Variants in PRELID2 observed in about 807,000 individuals in gnomAD.
PRELID2 encodes PRELI domain containing 2, also known as PRELI domain-containing protein 2.
A neutral mutation model predicts 28.4 loss-of-function variants in PRELID2; 25 were observed. The observed-to-expected ratio is 0.88, with a 90% CI of 0.64 to 1.23. The LOEUF is 1.23. PRELID2 is among the 50% of genes most tolerant of loss of function. PRELID2 has a pLI of 0.00. For synonymous variants in PRELID2, 76 were observed against 71.6 expected (o/e 1.06, Z -0.31); for missense variants, 201 against 214.4 (o/e 0.94, Z 0.39).
At chr5:145,817,482 T>TA (rs1173491377) in intron 4 of PRELID2, among the ~76,000 whole-genome samples, 227 of 127,216 alleles carry the variant, frequency 1.8e-3, no homozygotes, top group African/African-American at 5.3e-3. Flanking sequence ...TTCCATTAAG[T>TA]AAAAAAAAAA....
intron 1 of PRELID2, among the ~76,000 whole-genome samples, chr5:145,600,434 A>ATATATATATATAT (rs1554078383): frequency 2.5e-5 from 3 of 120,096 alleles, no homozygotes; most frequent in African/African-American, 8.1e-5. Flanking sequence ...AAAAAAAAAA[A>ATATATATATATAT]ATATATATAT....
chr5:145,574,576 C>T (rs1442251924), intron 1 of PRELID2, among the ~76,000 whole-genome samples: 1 of 152,122 alleles, frequency 6.6e-6, no homozygotes, highest in Non-Finnish European at 1.5e-5. Context: ...GTTTTATAAG[C>T]TTATGTTTTG....
chr5:145,265,390 T>A, the PRELID2 span, among the ~76,000 whole-genome samples: 1 of 152,070 alleles, frequency 6.6e-6, no homozygotes, highest in South Asian at 2.1e-4. Context: ...ATGACCATAC[T>A]GCCAAAAACA....
chr5:145,371,455 G>T, the PRELID2 span, among the ~76,000 whole-genome samples: 1 of 151,994 alleles, frequency 6.6e-6, no homozygotes, highest in Non-Finnish European at 1.5e-5. Context: ...CATCCCAGGA[G>T]TGAAGCCAAT....
intron 5 of PRELID2, among the ~76,000 whole-genome samples, chr5:145,770,693 G>A (rs1758046710): frequency 6.6e-6 from 1 of 152,142 alleles, no homozygotes; most frequent in South Asian, 2.1e-4. Context: ...CTAGGCTAAT[G>A]TGTGAATGTA....
intron 1 of PRELID2, among the ~76,000 whole-genome samples, chr5:145,640,533 G>T (rs1000430309): frequency 7.0e-6 from 1 of 141,996 alleles, no homozygotes; most frequent in African/African-American, 2.6e-5. Context: ...GCTTCCGGCT[G>T]CTCCAGAGGC....
At position 145,757,816 on chromosome 5, in the gene PRELID2, G is replaced by T. The variant is rs1035283873; in HGVS notation, c.*2720C>A. Among the ~76,000 whole-genome samples the T allele has an allele frequency of 2.4e-4, 13 of 55,110 alleles. No homozygotes were observed. Among genetic ancestry groups the T allele is most frequent in the South Asian group, 6.0e-4 (1 of 1,660 alleles). 36.2% of individuals were successfully genotyped at this position (55,110 alleles called of 152,430 possible). A position where few individuals can be genotyped will look rare whatever the true frequency, so the allele number is the denominator to read the frequency against. On this transcript the variant is annotated 3_prime_UTR_variant, in exon 7 of 7. Transcript: ENST00000683046. The stretch of plus-strand genomic sequence containing the variant: ...GACCCTATCTCAAAAAAAAGTAAAT[G>T]AAAAAAAAAAAAAAAAAGACCATAA...
At chr5:145,631,099 C>T (rs972159695) in intron 1 of PRELID2, among the ~76,000 whole-genome samples, 3 of 152,160 alleles carry the variant, frequency 2.0e-5, no homozygotes, top group African/African-American at 7.2e-5. Flanking sequence ...TGAAGCTCCA[C>T]ACACAAATAT....
chr5:145,466,897 C>G (rs1326534132), downstream of PRELID2, among the ~76,000 whole-genome samples: 1 of 152,072 alleles, frequency 6.6e-6, no homozygotes, highest in Non-Finnish European at 1.5e-5. Flanking sequence ...TACCACCCAC[C>G]CTGAATTCAC....
At chr5:145,544,435 C>A (rs1447085712) in intron 1 of PRELID2, among the ~76,000 whole-genome samples, 1 of 152,094 alleles carries the variant, frequency 6.6e-6, no homozygotes, top group Non-Finnish European at 1.5e-5. Context: ...ACATACATAC[C>A]TAGCCACCAT....
At position 145,796,540 on chromosome 5, in the gene PRELID2, ACT is replaced by A. The variant is rs776162091; in HGVS notation, c.374_375del (p.Glu125ValfsTer36). On this transcript the variant is annotated frameshift_variant, in exon 5 of 7. Transcript: ENST00000683046. LOFTEE classifies it high-confidence loss of function. ...RESMENPNWT[E>X]FIQRGRISIT... Reference sequence around the variant, plus strand: ...ATTGAAATCCTGCCTCTTTGAATGAACTCTGTCCTGCAAAAAAAACAAAAAAC... The same window carrying A: ...ATTGAAATCCTGCCTCTTTGAATGAACTGTCCTGCAAAAAAAACAAAAAAC... The A allele has an allele frequency of 6.3e-7, 1 of 1,595,370 alleles. No individual in the cohort carries two copies. Among genetic ancestry groups the A allele is most frequent in the African/African-American group, 1.3e-5 (1 of 74,092 alleles).
At chr5:145,706,495 C>T (rs1755551275) in intron 1 of PRELID2, among the ~76,000 whole-genome samples, 1 of 152,156 alleles carries the variant, frequency 6.6e-6, no homozygotes, top group South Asian at 2.1e-4. Flanking sequence ...TAACCACGGC[C>T]TGAATATTTC....
chr5:145,499,681 T>C (rs1219869966), intron 1 of PRELID2, among the ~76,000 whole-genome samples: 2 of 152,102 alleles, frequency 1.3e-5, no homozygotes, highest in African/African-American at 4.8e-5. Context: ...ATAGAAGAAT[T>C]TGTGACAGAT....
At chr5:145,773,464 G>T (rs74340511) in intron 5 of PRELID2, among the ~76,000 whole-genome samples, 1 of 151,992 alleles carries the variant, frequency 6.6e-6, no homozygotes, top group African/African-American at 2.4e-5. Flanking sequence ...TTCCTCACTT[G>T]CACTTCATGC....
chr5:145,426,891 G>C, the PRELID2 span, among the ~76,000 whole-genome samples: 1 of 152,162 alleles, frequency 6.6e-6, no homozygotes, highest in Admixed American at 6.5e-5. Flanking sequence ...TAGTACCCTG[G>C]TTGAGATGGT....
At chr5:145,772,046 A>G (rs1205768267) in intron 5 of PRELID2, among the ~76,000 whole-genome samples, 1 of 152,210 alleles carries the variant, frequency 6.6e-6, no homozygotes, top group Non-Finnish European at 1.5e-5. Flanking sequence ...TTTTAATCTG[A>G]TGCTGTCTAA....
At chr5:145,400,714 G>A in the PRELID2 span, among the ~76,000 whole-genome samples, 2 of 151,902 alleles carry the variant, frequency 1.3e-5, no homozygotes, top group Non-Finnish European at 2.9e-5. Flanking sequence ...TGTTTCTTTG[G>A]ACCATCTGAT....
the PRELID2 span, among the ~76,000 whole-genome samples, chr5:145,361,710 C>G: frequency 6.6e-6 from 1 of 152,176 alleles, no homozygotes; most frequent in East Asian, 1.9e-4. Context: ...AAACATCCCA[C>G]AAGGCTCCTC....
chr5:145,661,666 T>TAA (rs567073073), intron 1 of PRELID2, among the ~76,000 whole-genome samples: 145 of 97,114 alleles, frequency 1.5e-3, no homozygotes, highest in East Asian at 3.0e-3. Flanking sequence ...AACAAGCCAT[T>TAA]AAAAAAAAAA....
Sources: allele counts gnomAD v4.1 joint callset (sites outside exome capture counted in the v4.1 genomes callset), GRCh38; gene constraint gnomAD v4.1.1; transcripts MANE v1.5; gene names NCBI Gene and HGNC (gene_info 2026-07-23, HGNC 2026-07-21).